The following ADIPOR2 variants were observed in gnomAD, a reference collection of about 807,000 sequenced individuals.
The protein encoded by ADIPOR2 is adiponectin receptor 2.
Under a neutral mutation model 40.9 loss-of-function variants are expected in ADIPOR2, and 18 were observed. That is an observed-to-expected ratio of 0.44 (90% CI 0.30 to 0.65). ADIPOR2 has a LOEUF of 0.65. ADIPOR2 is among the 30% of genes least tolerant of loss of function. ADIPOR2 has a pLI of 0.09. For missense variants in ADIPOR2, 283 were observed against 479.2 expected (o/e 0.59, Z 3.82); for synonymous variants, 165 against 166.4 (o/e 0.99, Z 0.06).
chr12:1,742,809 G>T (rs935999478), intron 1 of ADIPOR2, among the ~76,000 whole-genome samples: 2 of 152,150 alleles, frequency 1.3e-5, no homozygotes, highest in African/African-American at 4.8e-5. Flanking sequence ...TCTGTTGTTG[G>T]TTGAATCCAC....
At chr12:1,759,358 CATT>C (rs1862219791) in intron 2 of ADIPOR2, among the ~76,000 whole-genome samples, 1 of 152,146 alleles carries the variant, frequency 6.6e-6, no homozygotes, top group African/African-American at 2.4e-5. Flanking sequence ...TCATTTAAAA[CATT>C]ATGGGAGCCC....
At chr12:1,705,007 A>G (rs1429674597) in intron 1 of ADIPOR2, among the ~76,000 whole-genome samples, 1 of 152,204 alleles carries the variant, frequency 6.6e-6, no homozygotes, top group East Asian at 1.9e-4. Context: ...TTGCAGCATT[A>G]TAAAGCAAAA....
At chr12:1,779,180 A>G (rs1862661346) in intron 4 of ADIPOR2, among the ~76,000 whole-genome samples, 1 of 152,260 alleles carries the variant, frequency 6.6e-6, no homozygotes, top group Non-Finnish European at 1.5e-5. Flanking sequence ...TATATTACCC[A>G]AGATGACTGA....
rs1862875852 is a variant in ADIPOR2, at chr12:1,788,097, G to A, written c.*2025G>A. 1 of 152,722 alleles carries A rather than the reference G, an allele frequency of 6.5e-6. No individual in the cohort carries two copies. The highest frequency in any genetic ancestry group is 2.4e-5 in the African/African-American group (1 of 41,448). The allele number at this position is 152,722 out of a possible 1,614,324, so 9.5% of individuals were successfully genotyped here. A position where few individuals can be genotyped will look rare whatever the true frequency, so the allele number is the denominator to read the frequency against. On this transcript the variant is annotated 3_prime_UTR_variant, in exon 8 of 8. Coordinates refer to ENST00000357103, the MANE Select transcript of ADIPOR2 (RefSeq NM_024551.3). ...CTTCGGTCATGCACTTTGGGATACA[G>A]CGTATAGGTGCAGCCCTGTCACAAC...
chr12:1,741,194 G>A (rs530539796), intron 1 of ADIPOR2, among the ~76,000 whole-genome samples: 1 of 152,300 alleles, frequency 6.6e-6, no homozygotes, highest in South Asian at 2.1e-4. Flanking sequence ...GATTTTAGCA[G>A]GGGAGTGACA....
intron 2 of ADIPOR2, among the ~76,000 whole-genome samples, chr12:1,768,016 A>C (rs888279185): frequency 6.6e-5 from 10 of 152,338 alleles, no homozygotes; most frequent in Non-Finnish European, 1.5e-4. Flanking sequence ...GAGAACAAAT[A>C]ATAAAGTTCT....
intron 1 of ADIPOR2, among the ~76,000 whole-genome samples, chr12:1,727,003 G>A (rs2094709313): frequency 6.6e-6 from 1 of 152,132 alleles, no homozygotes; most frequent in African/African-American, 2.4e-5. Context: ...CTTCTCTTGA[G>A]TATATCTTGA....
At chr12:1,746,523 A>G (rs372036075) in intron 1 of ADIPOR2, among the ~76,000 whole-genome samples, 1 of 152,160 alleles carries the variant, frequency 6.6e-6, no homozygotes, top group Non-Finnish European at 1.5e-5. Flanking sequence ...ACCCTCTTAT[A>G]AGAGACAAGG....
At chr12:1,707,610 G>A (rs1277134982) in intron 1 of ADIPOR2, among the ~76,000 whole-genome samples, 1 of 152,056 alleles carries the variant, frequency 6.6e-6, no homozygotes, top group Non-Finnish European at 1.5e-5. Context: ...GACTACAGGT[G>A]CATGCCACTA....
intron 1 of ADIPOR2, among the ~76,000 whole-genome samples, chr12:1,752,251 T>TTTTTTTTA (rs1251839721): frequency 7.5e-6 from 1 of 132,706 alleles, no homozygotes; most frequent in Non-Finnish European, 1.6e-5. Context: ...TTTTTTTTTT[T>TTTTTTTTA]AAGATAATGT....
At chr12:1,692,894 C>G (rs1023063207) in intron 1 of ADIPOR2, among the ~76,000 whole-genome samples, 1 of 152,166 alleles carries the variant, frequency 6.6e-6, no homozygotes, top group Non-Finnish European at 1.5e-5. Context: ...ATCGCTCACG[C>G]TGGTAATCCC....
At chr12:1,715,325 CAGAG>C (rs1299731567) in intron 1 of ADIPOR2, among the ~76,000 whole-genome samples, 2 of 152,024 alleles carry the variant, frequency 1.3e-5, no homozygotes, top group African/African-American at 4.8e-5. Context: ...TTTTGACCAT[CAGAG>C]AGAGAATATT....
chr12:1,698,276 C>T (rs1308161109), intron 1 of ADIPOR2, among the ~76,000 whole-genome samples: 1 of 152,012 alleles, frequency 6.6e-6, no homozygotes, highest in Non-Finnish European at 1.5e-5. Context: ...CTTGCTCTGT[C>T]ACCCAGGCTG....
At chr12:1,745,625 C>G (rs73591746) in intron 1 of ADIPOR2, among the ~76,000 whole-genome samples, 1,993 of 152,142 alleles carry the variant, frequency 0.013, 42 homozygotes, top group African/African-American at 0.046. Flanking sequence ...ATGAATTATC[C>G]TATTTATAAA....
At chr12:1,776,641 G>A (rs886787076) in intron 3 of ADIPOR2, among the ~76,000 whole-genome samples, 2 of 152,142 alleles carry the variant, frequency 1.3e-5, no homozygotes, top group Admixed American at 6.5e-5. Flanking sequence ...AGGGGATATC[G>A]GATTCCTGAT....
chr12:1,739,783 C>T (rs529716761), intron 1 of ADIPOR2, among the ~76,000 whole-genome samples: 2 of 152,300 alleles, frequency 1.3e-5, no homozygotes, highest in South Asian at 2.1e-4. Context: ...CATGCAGTTT[C>T]CTTAAATTCC....
chr12:1,746,225 T>A (rs902631803), intron 1 of ADIPOR2, among the ~76,000 whole-genome samples: 1 of 152,198 alleles, frequency 6.6e-6, no homozygotes, highest in African/African-American at 2.4e-5. Flanking sequence ...AAAACTCTTA[T>A]AAACACTTAA....
chr12:1,747,051 GC>G (rs111266190), intron 1 of ADIPOR2, among the ~76,000 whole-genome samples: 11 of 116,218 alleles, frequency 9.5e-5, no homozygotes, highest in Middle Eastern at 4.9e-3. Flanking sequence ...TAACTCCACT[GC>G]CCCCCCCCAA....
At chr12:1,765,064 T>C (rs567528031) in intron 2 of ADIPOR2, among the ~76,000 whole-genome samples, 21 of 152,294 alleles carry the variant, frequency 1.4e-4, no homozygotes, top group African/African-American at 5.1e-4. Flanking sequence ...TGAGTGGAAT[T>C]ACTGCGTTAG....
Sources: gnomAD v4.1 joint callset for allele counts (sites outside exome capture counted in the v4.1 genomes callset) on GRCh38, gnomAD v4.1.1 for gene constraint, MANE v1.5 for transcripts, NCBI Gene and HGNC (gene_info 2026-07-23, HGNC 2026-07-21) for gene names.